Variants in FARP2 observed in about 807,000 individuals in gnomAD.
FARP2 encodes FERM, ARHGEF and pleckstrin domain-containing protein 2.
FARP2 carries 111 observed loss-of-function variants against 130.5 expected under a neutral mutation model. The ratio of observed to expected loss-of-function variants is 0.85; its 90% CI spans 0.73 to 1.00. The LOEUF is 1.00. Ranked by LOEUF, FARP2 falls within the 50% of genes least tolerant of loss-of-function variation. The pLI, the probability that FARP2 is intolerant of heterozygous loss-of-function variation, is 0.00. For synonymous variants in FARP2, 504 were observed against 516.9 expected (o/e 0.98, Z 0.34); for missense variants, 1,385 against 1,346.3 (o/e 1.03, Z -0.45).
intron 13 of FARP2, among the ~76,000 whole-genome samples, chr2:241,455,566 G>A (rs2063808691): frequency 6.6e-6 from 1 of 151,516 alleles, no homozygotes; most frequent in African/African-American, 2.4e-5. Context: ...ATTTTTAGTA[G>A]GGATGGAGTT....
At chr2:241,483,950 A>T (rs1292898951) in intron 20 of FARP2, 17 of 1,297,598 alleles carry the variant, frequency 1.3e-5, no homozygotes, top group Non-Finnish European at 1.7e-5. Context: ...AGCCTGAAAC[A>T]TGTGGATGAG....
intron 10 of FARP2, among the ~76,000 whole-genome samples, chr2:241,434,721 G>A (rs2063177058): frequency 6.6e-6 from 1 of 152,072 alleles, no homozygotes; most frequent in Admixed American, 6.6e-5. Flanking sequence ...GCGTGTTAGC[G>A]GGCACCTGTA....
rs546960148 is a variant in FARP2 at position 241,424,365 on chromosome 2, G to C, written c.771+6256G>C. On this transcript the variant is annotated intron_variant, in intron 8 of 26. Coordinates refer to ENST00000264042, the MANE Select transcript of FARP2 (RefSeq NM_014808.4). ...AACAACCTGCTCCTGAATGACTCTT[G>C]GGTAAATAATGAAATTAAGGTAGAA... 2.6e-5 allele frequency among the ~76,000 whole-genome samples: 4 copies of C among 152,198 alleles called. No individual in the cohort carries two copies. The South Asian group carries it at 6.2e-4, about 24-fold the overall frequency.
At chr2:241,375,824 C>T (rs1037594907) in intron 2 of FARP2, among the ~76,000 whole-genome samples, 3 of 151,708 alleles carry the variant, frequency 2.0e-5, no homozygotes, top group African/African-American at 7.3e-5. Flanking sequence ...AACTCTTGGA[C>T]TCAAGTGATC....
intron 2 of FARP2, among the ~76,000 whole-genome samples, chr2:241,389,035 C>T (rs1311075477): frequency 6.6e-6 from 1 of 152,086 alleles, no homozygotes; most frequent in Non-Finnish European, 1.5e-5. Flanking sequence ...AATCCCAGCC[C>T]TTTGGGATGC....
At chr2:241,356,878 A>G (rs2061081190) in intron 1 of FARP2, among the ~76,000 whole-genome samples, 2 of 152,238 alleles carry the variant, frequency 1.3e-5, no homozygotes, top group Non-Finnish European at 2.9e-5. Context: ...CCTTTTTAGC[A>G]TTTCTTTAAA....
chr2:241,477,712 A>C (rs1194858472), intron 19 of FARP2, among the ~76,000 whole-genome samples: 1 of 152,226 alleles, frequency 6.6e-6, no homozygotes, highest in Non-Finnish European at 1.5e-5. Flanking sequence ...TGAGACTTCC[A>C]GTTTCTCACA....
intron 24 of FARP2, among the ~76,000 whole-genome samples, chr2:241,492,056 T>C (rs1295387582): frequency 6.6e-6 from 1 of 152,186 alleles, no homozygotes; most frequent in Non-Finnish European, 1.5e-5. Context: ...CACCCTGCCA[T>C]AGAAGGTTGT....
At position 241,473,888 on chromosome 2, in the gene FARP2, A is replaced by G. The variant is rs187634227; in HGVS notation, c.2132-1969A>G. Among the ~76,000 whole-genome samples, 653 of 152,342 alleles carry G rather than the reference A, an allele frequency of 4.3e-3. 10 individuals carry two copies. Among genetic ancestry groups the G allele is most frequent in the Admixed American group, 0.026 (393 of 15,300 alleles). On this transcript the variant is annotated intron_variant, in intron 18 of 26. Transcript: ENST00000264042. Reference sequence around the variant, plus strand: ...TCATTTTCAGTGTCATGCAGGTATCATTGACAGAAAGTGAATTTTGTCAGT... The same window carrying G: ...TCATTTTCAGTGTCATGCAGGTATCGTTGACAGAAAGTGAATTTTGTCAGT...
At chr2:241,356,609 G>T (rs2061072389) in intron 1 of FARP2, among the ~76,000 whole-genome samples, 1 of 152,178 alleles carries the variant, frequency 6.6e-6, no homozygotes, top group African/African-American at 2.4e-5. Flanking sequence ...AGCCTGCCGC[G>T]TGGGGGCAGG....
intron 1 of FARP2, among the ~76,000 whole-genome samples, chr2:241,358,096 C>T (rs2061107567): frequency 6.6e-6 from 1 of 151,976 alleles, no homozygotes; most frequent in South Asian, 2.1e-4. Context: ...GGCTGAGGCA[C>T]GAGAATCACT....
chr2:241,387,432 A>G (rs564062571), intron 2 of FARP2: 2 of 152,348 alleles, frequency 1.3e-5, no homozygotes, highest in Admixed American at 1.3e-4. Flanking sequence ...AGGATACAAG[A>G]TTAATATACC....
intron 2 of FARP2, among the ~76,000 whole-genome samples, chr2:241,378,599 A>T (rs1443398443): frequency 2.0e-5 from 3 of 151,478 alleles, no homozygotes; most frequent in African/African-American, 7.3e-5. Context: ...TTTTGTAGAG[A>T]TGGGGTCTCC....
At chr2:241,425,395 A>G (rs2062908370) in intron 8 of FARP2, among the ~76,000 whole-genome samples, 1 of 152,046 alleles carries the variant, frequency 6.6e-6, no homozygotes, top group South Asian at 2.1e-4. Flanking sequence ...TGAACAGACA[A>G]CCCTACAGAA....
intron 2 of FARP2, among the ~76,000 whole-genome samples, chr2:241,382,291 TA>T (rs1559716987): frequency 6.6e-5 from 9 of 135,404 alleles, no homozygotes; most frequent in Non-Finnish European, 6.2e-5. Flanking sequence ...GTACAAAATC[TA>T]TTTTTTTTTT....
rs16843659 is a variant in FARP2, at chr2:241,426,520, G to A, written c.772-5159G>A. On this transcript the variant is annotated intron_variant, in intron 8 of 26. Transcript: ENST00000264042. ...GTTGAGGAGGCAAGATTTCAAAGTGGAGAATGTGCTAGCTGTCATAAATGT... is the reference window on the plus strand; with the variant it reads ...GTTGAGGAGGCAAGATTTCAAAGTGAAGAATGTGCTAGCTGTCATAAATGT... Among the ~76,000 whole-genome samples the A allele has an allele frequency of 8.9e-3, 1,351 of 152,266 alleles. 17 individuals are homozygous for A. Among genetic ancestry groups the A allele is most frequent in the African/African-American group, 0.018 (737 of 41,532 alleles).
intron 11 of FARP2, among the ~76,000 whole-genome samples, chr2:241,436,099 A>G (rs1027058151): frequency 1.2e-4 from 18 of 150,244 alleles, no homozygotes; most frequent in African/African-American, 3.9e-4. Context: ...TTTTTAATAG[A>G]GACGGGGTTT....
At chr2:241,368,304 G>T (rs552382385) in intron 1 of FARP2, among the ~76,000 whole-genome samples, 1 of 152,158 alleles carries the variant, frequency 6.6e-6, no homozygotes, top group African/African-American at 2.4e-5. Flanking sequence ...ACAGATTCTT[G>T]GTTGTTTACT....
intron 26 of FARP2, chr2:241,493,726 CTG>C (rs2065020651): frequency 3.9e-6 from 2 of 516,248 alleles, no homozygotes; most frequent in Non-Finnish European, 6.9e-6. Flanking sequence ...TCCTGAGTAA[CTG>C]AGATTACAGG....
Sources: allele counts gnomAD v4.1 joint callset (sites outside exome capture counted in the v4.1 genomes callset), GRCh38; gene constraint gnomAD v4.1.1; transcripts MANE v1.5; gene names NCBI Gene and HGNC (gene_info 2026-07-23, HGNC 2026-07-21).